Variants in DAB2 observed in about 807,000 individuals in gnomAD.
The protein encoded by DAB2 is DAB adaptor protein 2.
In DAB2, 28 loss-of-function variants were observed where a neutral mutation model predicts 71.6. That is an observed-to-expected ratio of 0.39 (90% CI 0.29 to 0.54). The LOEUF (loss-of-function observed/expected upper bound fraction) is 0.54. Among genes scored for constraint, DAB2 ranks in the 20% least tolerant of loss-of-function variants. The pLI, the probability that DAB2 is intolerant of heterozygous loss-of-function variation, is 0.68. For missense variants in DAB2, 867 were observed against 928.8 expected (o/e 0.93, Z 0.86); for synonymous variants, 345 against 339.7 (o/e 1.02, Z -0.17).
chr5:39,377,087 G>A lies in DAB2; in HGVS notation c.1700C>T (p.Pro567Leu). The A allele has an allele frequency of 6.2e-7, 1 of 1,614,170 alleles. No homozygotes were observed. The highest frequency in any genetic ancestry group is 1.7e-4 in the Middle Eastern group (1 of 6,058). The change falls in exon 12 of 15, where the codon CCT becomes CTT. Residue 567 changes from proline (P) to leucine (L), a missense_variant. Around this residue, in one of 2 missense-constraint regions of DAB2, gnomAD observed 740 missense variants for 734.3 expected, o/e 1.01. Transcript: ENST00000320816. ...QPSPFAASTP[P>L]PVPVVWGPSA... ...AGGGCCCCAGACAACAGGCACTGGA[G>A]GGGGAGTTGAGGCTGCAAAGGGTGA...
intron 1 of DAB2, among the ~76,000 whole-genome samples, chr5:39,399,858 T>C (rs987931518): frequency 6.6e-6 from 1 of 152,244 alleles, no homozygotes; most frequent in Admixed American, 6.5e-5. Context: ...CTAGGCTTTA[T>C]AGGGGTAAAG....
At chr5:39,421,031 T>G (rs962079561) in intron 1 of DAB2, among the ~76,000 whole-genome samples, 2 of 152,112 alleles carry the variant, frequency 1.3e-5, no homozygotes, top group Non-Finnish European at 2.9e-5. Context: ...GGGGAAGGAT[T>G]GCTCCTTCTC....
chr5:39,412,419 A>T (rs931602139), intron 1 of DAB2, among the ~76,000 whole-genome samples: 5 of 152,178 alleles, frequency 3.3e-5, no homozygotes, highest in Non-Finnish European at 7.4e-5. Context: ...TAATTCATGT[A>T]ATCAAAACTG....
intron 9 of DAB2, chr5:39,385,434 A>C (rs1473006061): frequency 6.6e-6 from 1 of 152,212 alleles, no homozygotes; most frequent in Admixed American, 6.5e-5. Flanking sequence ...TCACCCTATA[A>C]GTAAAATGTA....
At chr5:39,374,206 TTTG>T (rs141885470) in intron 14 of DAB2, among the ~76,000 whole-genome samples, 2,421 of 152,134 alleles carry the variant, frequency 0.016, 78 homozygotes, top group African/African-American at 0.055. Context: ...GGGCTTGGTT[TTTG>T]TTGTTGTTGT....
At chr5:39,391,981 A>AATAT (rs1491544971) in intron 4 of DAB2, among the ~76,000 whole-genome samples, 41 of 144,376 alleles carry the variant, frequency 2.8e-4, no homozygotes, top group Non-Finnish European at 3.8e-4. Flanking sequence ...AAAAAAAAAA[A>AATAT]ATATATATAT....
At chr5:39,420,738 G>A (rs1325594484) in intron 1 of DAB2, among the ~76,000 whole-genome samples, 2 of 152,102 alleles carry the variant, frequency 1.3e-5, no homozygotes, top group Non-Finnish European at 2.9e-5. Flanking sequence ...AGTTTGGAGG[G>A]GGTGATATAA....
intron 1 of DAB2, among the ~76,000 whole-genome samples, chr5:39,409,972 G>C (rs1191021553): frequency 1.3e-5 from 2 of 152,142 alleles, no homozygotes; most frequent in African/African-American, 2.4e-5. Flanking sequence ...CACAAGGACA[G>C]ATCTCAAGTT....
chr5:39,381,224 C>A (rs553045567), intron 11 of DAB2, among the ~76,000 whole-genome samples: 4 of 152,122 alleles, frequency 2.6e-5, no homozygotes, highest in African/African-American at 7.2e-5. Context: ...AAGTACAATA[C>A]TGAAAATGAA....
chr5:39,419,465 C>T (rs1477269358), intron 1 of DAB2, among the ~76,000 whole-genome samples: 1 of 152,166 alleles, frequency 6.6e-6, no homozygotes, highest in Non-Finnish European at 1.5e-5. Context: ...ATAGAGATAT[C>T]TTTTCTATTT....
intron 8 of DAB2, 117 bp from the exon 9 acceptor site, chr5:39,388,484 T>A: frequency 1.3e-6 from 1 of 765,198 alleles, no homozygotes; most frequent in South Asian, 1.7e-5. Context: ...TAATTTCCAT[T>A]TAACTAATAG....
rs1318147637 is a variant in DAB2 at position 39,382,807 on chromosome 5, T to C, written c.1152A>G (p.Arg384=). Residue 384 remains arginine, a synonymous_variant, in exon 10 of 15, where the codon AGA becomes AGG. Coordinates refer to ENST00000320816, the MANE Select transcript of DAB2 (RefSeq NM_001343.4). ...AVRTQNGVSE[R]EQNGFSVKSS... Reference sequence around the variant, plus strand: ...ATTTGACAGAGAAGCCGTTCTGTTCTCTTTCAGATACCCCATTTTGAGTTC... The same window carrying C: ...ATTTGACAGAGAAGCCGTTCTGTTCCCTTTCAGATACCCCATTTTGAGTTC... The C allele has an allele frequency of 6.2e-7, 1 of 1,614,200 alleles. No individual in the cohort carries two copies. Among genetic ancestry groups the C allele is most frequent in the Non-Finnish European group, 8.5e-7 (1 of 1,180,034 alleles).
intron 11 of DAB2, among the ~76,000 whole-genome samples, chr5:39,380,193 A>G (rs1754945678): frequency 6.6e-6 from 1 of 152,178 alleles, no homozygotes; most frequent in Non-Finnish European, 1.5e-5. Flanking sequence ...GTCTTTAGAG[A>G]GAGCCTCTTG....
At chr5:39,416,296 T>C (rs1755846203) in intron 1 of DAB2, among the ~76,000 whole-genome samples, 1 of 152,170 alleles carries the variant, frequency 6.6e-6, no homozygotes, top group Non-Finnish European at 1.5e-5. Context: ...GGATGAGCTC[T>C]TTCTTCCATT....
rs554960686 is a variant in DAB2, at chr5:39,414,899, A to C, written c.-102+9905T>G. Reference sequence around the variant, plus strand: ...ACACCTACTATTTGCCAAGCACTGCATTATCCTATGTATAGAGTGACAAAA... The same window carrying C: ...ACACCTACTATTTGCCAAGCACTGCCTTATCCTATGTATAGAGTGACAAAA... On this transcript the variant is annotated intron_variant, in intron 1 of 14. Coordinates refer to ENST00000320816, the MANE Select transcript of DAB2 (RefSeq NM_001343.4). Among the ~76,000 whole-genome samples, 74 of 152,228 alleles carry C rather than the reference A, an allele frequency of 4.9e-4. No individual in the cohort carries two copies. In the South Asian group the frequency reaches 7.7e-3, roughly 16 times the overall value.
chr5:39,389,221 A>T (rs1755167747), intron 6 of DAB2, 98 bp from the exon 7 acceptor site: 2 of 881,248 alleles, frequency 2.3e-6, no homozygotes, highest in African/African-American at 3.3e-5. Flanking sequence ...GCATAAGGCA[A>T]GAATAAGTCT....
intron 1 of DAB2, among the ~76,000 whole-genome samples, chr5:39,416,129 C>T (rs1211960946): frequency 6.6e-6 from 1 of 151,980 alleles, no homozygotes; most frequent in African/African-American, 2.4e-5. Context: ...TTCCTCCTCC[C>T]TAAAAAGCTA....
Position 39,377,024 on chromosome 5 carries a change from CTTG to C in DAB2, c.1760_1762del (p.Thr587del), listed in dbSNP as rs753259536. ...GCTCTGAAAAGGATTCCCCAAAGGG[CTTG>C]TTGTTGACCAAGCATTGGGTGCCAC... is the stretch of plus-strand genomic sequence containing the variant. On this transcript the variant is annotated inframe_deletion, in exon 12 of 15. Transcript: ENST00000320816. 1.1e-4 allele frequency: 180 copies of C among 1,614,014 alleles called. 1 individual carries two copies. The highest frequency in any genetic ancestry group is 1.4e-4 in the Non-Finnish European group (166 of 1,180,016).
chr5:39,400,224 T>C (rs1192942169), intron 1 of DAB2, among the ~76,000 whole-genome samples: 7 of 151,778 alleles, frequency 4.6e-5, no homozygotes, highest in Non-Finnish European at 4.4e-5. Context: ...TGAAACAGAA[T>C]GTGTCTCTCT....
Sources: allele counts gnomAD v4.1 joint callset (sites outside exome capture counted in the v4.1 genomes callset), GRCh38; gene constraint gnomAD v4.1.1; regional missense constraint gnomAD v4.1.1; transcripts MANE v1.5; gene names NCBI Gene and HGNC (gene_info 2026-07-23, HGNC 2026-07-21).